MACROD2: variants seen among roughly 807,000 people sequenced by gnomAD.
MACROD2 encodes the protein ADP-ribose glycohydrolase MACROD2.
MACROD2 carries 36 observed loss-of-function variants against 70.4 expected under a neutral mutation model. The ratio of observed to expected loss-of-function variants is 0.51; its 90% CI spans 0.39 to 0.68. The LOEUF (loss-of-function observed/expected upper bound fraction) is 0.68. MACROD2 is among the 30% of genes least tolerant of loss of function. The pLI, the probability that MACROD2 is intolerant of heterozygous loss-of-function variation, is 0.00. For synonymous variants in MACROD2, 172 were observed against 178.8 expected (o/e 0.96, Z 0.30); for missense variants, 496 against 538.4 (o/e 0.92, Z 0.78).
chr20:15,231,171 A>G lies in MACROD2; in HGVS notation c.540+1110A>G, dbSNP rs192999560. 2.6e-5 allele frequency among the ~76,000 whole-genome samples: 4 copies of G among 152,180 alleles called. No homozygotes were observed. The East Asian group carries it at 7.7e-4, about 29-fold the overall frequency. ...AGGAAACTTTTCATGACCTAATTAT[A>G]TAGCCCTTTTTAATCTTTGGATAAT... On this transcript the variant is annotated intron_variant, in intron 6 of 17. Transcript: ENST00000684519.
chr20:14,467,122 G>A (rs2084461858), intron 3 of MACROD2, among the ~76,000 whole-genome samples: 1 of 152,226 alleles, frequency 6.6e-6, no homozygotes, highest in Non-Finnish European at 1.5e-5. Context: ...TCTGTGCCCT[G>A]CCCCCCAGAG....
intron 8 of MACROD2, among the ~76,000 whole-genome samples, chr20:15,772,908 C>T (rs1171924429): frequency 2.0e-5 from 3 of 151,980 alleles, no homozygotes; most frequent in Admixed American, 6.6e-5. Context: ...AAAAAAAAAT[C>T]AGATCTTGTG....
At chr20:15,662,585 T>G (rs2049836657) in intron 8 of MACROD2, among the ~76,000 whole-genome samples, 1 of 152,140 alleles carries the variant, frequency 6.6e-6, no homozygotes, top group Admixed American at 6.5e-5. Flanking sequence ...GCTCTGTTCT[T>G]ATATATTCTT....
At chr20:15,791,455 AG>A (rs1423924997) in intron 8 of MACROD2, among the ~76,000 whole-genome samples, 1 of 151,894 alleles carries the variant, frequency 6.6e-6, no homozygotes, top group African/African-American at 2.4e-5. Context: ...TAAAAAAAAA[AG>A]GATGTTCAAA....
chr20:15,366,019 C>A (rs565556744), intron 6 of MACROD2, among the ~76,000 whole-genome samples: 3 of 152,118 alleles, frequency 2.0e-5, no homozygotes, highest in Non-Finnish European at 4.4e-5. Context: ...GGGAACTACT[C>A]AAGTAATAGA....
At chr20:15,792,385 A>G (rs972479416) in intron 8 of MACROD2, among the ~76,000 whole-genome samples, 1 of 152,144 alleles carries the variant, frequency 6.6e-6, no homozygotes, top group Non-Finnish European at 1.5e-5. Context: ...GTTACAACCA[A>G]CTAAAAAAAA....
chr20:14,032,119 TTC>T, intron 2 of MACROD2, among the ~76,000 whole-genome samples: 1 of 152,248 alleles, frequency 6.6e-6, no homozygotes, highest in South Asian at 2.1e-4. Flanking sequence ...GCTTGTTTTT[TTC>T]TCACTTAAAA....
chr20:14,069,649 C>A, intron 2 of MACROD2, among the ~76,000 whole-genome samples: 1 of 146,200 alleles, frequency 6.8e-6, no homozygotes, highest in Admixed American at 7.0e-5. Context: ...GCACATCAAG[C>A]AAAACTGCAA....
intron 8 of MACROD2, among the ~76,000 whole-genome samples, chr20:15,727,362 T>G (rs1336047042): frequency 6.6e-6 from 1 of 152,194 alleles, no homozygotes; most frequent in Admixed American, 6.5e-5. Flanking sequence ...TACTTTTACA[T>G]CAAGTAATGT....
In MACROD2 at chr20:15,021,124, G is replaced by A. The variant is rs940326623; in HGVS notation, c.419-208816G>A. The stretch of plus-strand genomic sequence containing the variant: ...TATACACGTGTATGTGTATACACGT[G>A]TGTATACACATACGTGTGTGTATAC... On this transcript the variant is annotated intron_variant, in intron 5 of 17. Coordinates refer to ENST00000684519, the MANE Select transcript of MACROD2 (RefSeq NM_001351661.2). 3.7e-4 allele frequency among the ~76,000 whole-genome samples: 37 copies of A among 99,906 alleles called. 3 individuals carry two copies. The highest frequency in any genetic ancestry group is 1.5e-3 in the African/African-American group (36 of 24,090). The allele number at this position is 99,906 out of a possible 152,430, so 65.5% of individuals were successfully genotyped here.
At chr20:14,515,465 G>GCGCGCGCA (rs1369248292) in intron 4 of MACROD2, among the ~76,000 whole-genome samples, 10 of 127,066 alleles carry the variant, frequency 7.9e-5, no homozygotes, top group African/African-American at 3.1e-4. Context: ...ACACACACAC[G>GCGCGCGCA]CACACACACA....
At chr20:15,563,101 A>T (rs922904107) in intron 8 of MACROD2, among the ~76,000 whole-genome samples, 9 of 152,208 alleles carry the variant, frequency 5.9e-5, no homozygotes, top group African/African-American at 2.2e-4. Flanking sequence ...CCATGCACAA[A>T]TGCTTATTCG....
chr20:15,702,726 A>G (rs1021493169), intron 8 of MACROD2, among the ~76,000 whole-genome samples: 1 of 152,218 alleles, frequency 6.6e-6, no homozygotes. Context: ...GGACTTAGCC[A>G]TAAATTCTTT....
At chr20:15,484,018 C>T (rs902112876) in intron 7 of MACROD2, among the ~76,000 whole-genome samples, 4 of 147,118 alleles carry the variant, frequency 2.7e-5, no homozygotes, top group Admixed American at 6.9e-5. Context: ...GACAATTTTA[C>T]TTCTTTCTTT....
chr20:14,914,183 G>A (rs1382253463), intron 5 of MACROD2, among the ~76,000 whole-genome samples: 1 of 152,148 alleles, frequency 6.6e-6, no homozygotes, highest in African/African-American at 2.4e-5. Flanking sequence ...AACATGTGAG[G>A]AATTTGCTGT....
chr20:14,476,429 C>G (rs763389321), intron 3 of MACROD2, among the ~76,000 whole-genome samples: 4 of 152,194 alleles, frequency 2.6e-5, no homozygotes, highest in Admixed American at 1.3e-4. Flanking sequence ...AATCTCAGCT[C>G]ATTGCAACCT....
At chr20:15,239,637 GA>G (rs1335020207) in intron 6 of MACROD2, among the ~76,000 whole-genome samples, 1 of 152,132 alleles carries the variant, frequency 6.6e-6, no homozygotes, top group Non-Finnish European at 1.5e-5. Flanking sequence ...CCCATGTTCT[GA>G]AAATTTCCCT....
Position 15,986,786 on chromosome 20 carries a change from T to C in MACROD2, c.1045T>C (p.Tyr349His). The change falls in exon 14 of 18, where the codon TAT becomes CAT. Residue 349 changes from tyrosine (Y) to histidine (H), a missense_variant. Physicochemically the swap from Tyr to His is moderately conservative, Grantham distance 83. Transcript: ENST00000684519. The part of the protein sequence containing the change: ...IKIETESQSS[Y>H]METEELSSNQ... ...AATTGAAACAGAATCGCAGAGCTCA[T>C]ATATGGAAACAGAAGGTACTGAAAC... The C allele has an allele frequency of 6.2e-7, 1 of 1,612,936 alleles. No homozygotes were observed. Among genetic ancestry groups the C allele is most frequent in the East Asian group, 2.2e-5 (1 of 44,846 alleles).
At chr20:15,044,606 G>T (rs971411368) in intron 5 of MACROD2, among the ~76,000 whole-genome samples, 3 of 152,128 alleles carry the variant, frequency 2.0e-5, no homozygotes, top group Non-Finnish European at 4.4e-5. Flanking sequence ...GCTCTCCCAG[G>T]CAGTCTAAGG....
Sources: allele counts gnomAD v4.1 joint callset (sites outside exome capture counted in the v4.1 genomes callset), GRCh38; gene constraint gnomAD v4.1.1; transcripts MANE v1.5; gene names NCBI Gene and HGNC (gene_info 2026-07-23, HGNC 2026-07-21).